CLIP3: variants seen among roughly 807,000 people sequenced by gnomAD.
CLIP3 encodes CAP-Gly domain containing linker protein 3, also known as CAP-Gly domain-containing linker protein 3.
In CLIP3, 15 loss-of-function variants were observed where a neutral mutation model predicts 59.4. The ratio of observed to expected loss-of-function variants is 0.25; its 90% confidence interval spans 0.17 to 0.39. The LOEUF is 0.39. CLIP3 is among the 10% of genes least tolerant of loss of function. The pLI is 1.00. For synonymous variants in CLIP3, 300 were observed against 321.6 expected (o/e 0.93, Z 0.72); for missense variants, 495 against 765.7 (o/e 0.65, Z 4.17).
chr19:36,018,057 C>A (rs1885730284), intron 9 of CLIP3, 66 bp from the exon 10 acceptor site: 1 of 1,572,214 alleles, frequency 6.4e-7, no homozygotes, highest in African/African-American at 1.4e-5. Flanking sequence ...CTCGTGCCAC[C>A]TGGAAAACCC....
intron 7 of CLIP3, among the ~76,000 whole-genome samples, chr19:36,019,598 A>ATTTATTTTTT (rs1568540451): frequency 1.0e-5 from 1 of 99,392 alleles, no homozygotes; most frequent in African/African-American, 4.6e-5. Flanking sequence ...TTATTTATTT[A>ATTTATTTTTT]TTTTATTTAT....
intron 7 of CLIP3, among the ~76,000 whole-genome samples, chr19:36,020,898 G>A (rs1265489846): frequency 6.6e-6 from 1 of 151,506 alleles, no homozygotes; most frequent in African/African-American, 2.4e-5. Flanking sequence ...CTGTGGCCCA[G>A]GCTGGAGTGC....
At position 36,026,793 on chromosome 19, in the gene CLIP3, G is replaced by A. The variant is rs778411049; in HGVS notation, c.401-46C>T. The A allele has an allele frequency of 6.3e-7, 1 of 1,577,636 alleles. No homozygotes were observed. The highest frequency in any genetic ancestry group is 1.3e-5 in the African/African-American group (1 of 74,400). On this transcript the variant is annotated intron_variant, in intron 4 of 13. Transcript: ENST00000360535. The surrounding 1 kb of genome is among the most constrained non-coding windows in gnomAD (Gnocchi z 6.3). ...GCTTGGAACCCCCATTCCAGAGCATGGGCCCAGTGCACGGGGAGGACCCTG... is the reference window on the plus strand; with the variant it reads ...GCTTGGAACCCCCATTCCAGAGCATAGGCCCAGTGCACGGGGAGGACCCTG...
At chr19:36,031,008 CT>C (rs374690845) in intron 2 of CLIP3, among the ~76,000 whole-genome samples, 52 of 77,854 alleles carry the variant, frequency 6.7e-4, no homozygotes, top group South Asian at 3.4e-3. Flanking sequence ...TTTTTCTTTT[CT>C]TTTTTTTTTT....
intron 2 of CLIP3, among the ~76,000 whole-genome samples, chr19:36,031,008 C>CTTTTTTTTTTTTTTTTTTTTTTTTTTTTT (rs374690845): frequency 1.5e-4 from 12 of 77,838 alleles, no homozygotes; most frequent in South Asian, 4.3e-4. Context: ...TTTTTCTTTT[C>CTTTTTTTTTTTTTTTTTTTTTTTTTTTTT]TTTTTTTTTT....
Position 36,019,022 on chromosome 19 carries a change from G to C in CLIP3, c.1059C>G (p.Leu353=). Residue 353 remains leucine (L), a synonymous_variant, in exon 9 of 14, where the codon CTC becomes CTG. Coordinates refer to ENST00000360535, the MANE Select transcript of CLIP3 (RefSeq NM_015526.3). The part of the protein sequence containing the change: ...RYFICPPKQG[L]FASVSKISKA... ...TGGAGATCTTGGACACGGAGGCAAAGAGACCTAGGGGTACAGAATCCGAGC... is the reference window on the plus strand; with the variant it reads ...TGGAGATCTTGGACACGGAGGCAAACAGACCTAGGGGTACAGAATCCGAGC... The C allele has an allele frequency of 6.3e-7, 1 of 1,587,622 alleles. No individual in the cohort carries two copies.
Position 36,016,027 on chromosome 19 carries a change from G to T in CLIP3, c.*131C>A, listed in dbSNP as rs1039295175. The T allele has an allele frequency of 2.2e-6, 2 of 888,980 alleles. No individual in the cohort carries two copies. Among genetic ancestry groups the T allele is most frequent in the South Asian group, 2.9e-5 (2 of 70,132 alleles). The allele number at this position is 888,980 out of a possible 1,614,324, so 55.1% of individuals were successfully genotyped here. A position where few individuals can be genotyped will look rare whatever the true frequency, so the allele number is the denominator to read the frequency against. On this transcript the variant is annotated 3_prime_UTR_variant, in exon 14 of 14. Transcript: ENST00000360535. This position sits in a 1 kb window ranked among gnomAD's most constrained non-coding sequence, Gnocchi z 4.1. ...TGTTAATAATGGGGCCTCAATGATC[G>T]AGGGCTGGCTAACAGGGGTCTCTAC...
In CLIP3 at chr19:36,026,490, C is replaced by T; in HGVS notation, c.562+96G>A. Reference sequence around the variant, plus strand: ...CCAACCTCCCGCTATCTCCTCAGATCACCGTCCTCCTTCCCCTCGCAGCCT... The same window carrying T: ...CCAACCTCCCGCTATCTCCTCAGATTACCGTCCTCCTTCCCCTCGCAGCCT... On this transcript the variant is annotated intron_variant, in intron 5 of 13. Transcript: ENST00000360535. This position sits in a 1 kb window ranked among gnomAD's most constrained non-coding sequence, Gnocchi z 6.3. 38 of 1,525,634 alleles carry T rather than the reference C, an allele frequency of 2.5e-5. No individual in the cohort carries two copies. Among genetic ancestry groups the T allele is most frequent in the Non-Finnish European group, 3.3e-5 (37 of 1,121,068 alleles). The allele number at this position is 1,525,634 out of a possible 1,614,324, so 94.5% of individuals were successfully genotyped here.
In CLIP3 at chr19:36,025,788, G is replaced by A. The variant is rs552606028; in HGVS notation, c.681+359C>T. 2.6e-5 allele frequency among the ~76,000 whole-genome samples: 4 copies of A among 152,240 alleles called. No homozygotes were observed. The East Asian group carries it at 7.7e-4, about 29-fold the overall frequency. On this transcript the variant is annotated intron_variant, in intron 6 of 13. Transcript: ENST00000360535. Reference sequence around the variant, plus strand: ...GGAGCCTGGTAATGCATAGGTCAGAGGTCAAAGATCATATTGAGGGCTTAG... The same window carrying A: ...GGAGCCTGGTAATGCATAGGTCAGAAGTCAAAGATCATATTGAGGGCTTAG...
In CLIP3 at chr19:36,032,003, G is replaced by C. The variant is rs952676415; in HGVS notation, c.166+189C>G. On this transcript the variant is annotated intron_variant, in intron 2 of 13. Coordinates refer to ENST00000360535, the MANE Select transcript of CLIP3 (RefSeq NM_015526.3). The surrounding 1 kb of genome is among the most constrained non-coding windows in gnomAD (Gnocchi z 4.3). The stretch of plus-strand genomic sequence containing the variant: ...TGATGTGTCATGAGTCAAAGACTAG[G>C]AGTATTACAATTCCATTCTCCAATG... 9.9e-6 allele frequency: 4 copies of C among 403,594 alleles called. No homozygotes were observed. The highest frequency in any genetic ancestry group is 8.2e-5 in the African/African-American group (4 of 48,548). The allele number at this position is 403,594 out of a possible 1,614,324, so 25.0% of individuals were successfully genotyped here.
At position 36,026,724 on chromosome 19, in the gene CLIP3, G is replaced by A; in HGVS notation, c.424C>T (p.Leu142Phe). The A allele has an allele frequency of 6.2e-7, 1 of 1,601,512 alleles. No individual in the cohort carries two copies. Residue 142 changes from leucine to phenylalanine, a missense_variant, in exon 5 of 14, where the codon CTC (leucine) becomes TTC (phenylalanine). By Grantham distance (22) the Leu-to-Phe change is conservative (BLOSUM62 0). Around this residue, in one of 5 missense-constraint regions of CLIP3, gnomAD observed 194 missense variants for 327.8 expected, o/e 0.59. Transcript: ENST00000360535. This position sits in a 1 kb window ranked among gnomAD's most constrained non-coding sequence, Gnocchi z 6.3. ...GVGDPAAAVR[L>F]SQQLLALGAD... ...CCCAGCGCCAGCAGCTGCTGCGAGAGGCGCACGGCTGCCGCGGGGTCCCCT... is the reference window on the plus strand; with the variant it reads ...CCCAGCGCCAGCAGCTGCTGCGAGAAGCGCACGGCTGCCGCGGGGTCCCCT...
intron 7 of CLIP3, among the ~76,000 whole-genome samples, chr19:36,022,149 G>T (rs1408016479): frequency 6.6e-6 from 1 of 152,118 alleles, no homozygotes; most frequent in Non-Finnish European, 1.5e-5. Flanking sequence ...CAAAGTGCTG[G>T]GATTACAGGC....
In CLIP3 at chr19:36,022,314, C is replaced by G. The variant is rs560482899; in HGVS notation, c.918+2082G>C. ...AATTAATTTAAACCTCAACCAGCCC[C>G]CTAAGGTGGTTACTATTATTATCTC... On this transcript the variant is annotated intron_variant, in intron 7 of 13. Coordinates refer to ENST00000360535, the MANE Select transcript of CLIP3 (RefSeq NM_015526.3). 5.8e-4 allele frequency among the ~76,000 whole-genome samples: 88 copies of G among 152,240 alleles called. 1 individual carries two copies. In the South Asian group the frequency reaches 0.015, roughly 25 times the overall value.
chr19:36,030,988 CTTTTTTCTTTTTTTCTTTTCTTTTTTTT>C (rs1969238997), intron 2 of CLIP3, among the ~76,000 whole-genome samples: 22 of 119,688 alleles, frequency 1.8e-4, no homozygotes, highest in African/African-American at 5.5e-4. Context: ...ATTTCTTTTT[CTTTTTTCTTTTTTTCTTTTCTTTTTTTT>C]TTTTTTCTTT....
At chr19:36,017,305 C>A (rs1968822955) in intron 12 of CLIP3, 81 bp downstream of exon 12, 3 of 1,300,290 alleles carry the variant, frequency 2.3e-6, no homozygotes, top group Non-Finnish European at 3.4e-6. Context: ...GAGACTGTCA[C>A]CAGTATATAC....
In CLIP3 at chr19:36,017,629, G is replaced by A. The variant is rs1568539207; in HGVS notation, c.1451+26C>T. On this transcript the variant is annotated intron_variant, in intron 11 of 13. Coordinates refer to ENST00000360535, the MANE Select transcript of CLIP3 (RefSeq NM_015526.3). ...GATCAGGGCTCCAGGTGGTGCCCTG[G>A]GTTTGGGCTGGAAGTTTGGGCTCAC... 3 of 1,613,246 alleles carry A rather than the reference G, an allele frequency of 1.9e-6. No individual in the cohort carries two copies. In the Admixed American group the frequency reaches 5.0e-5, roughly 27 times the overall value.
Position 36,019,043 on chromosome 19 carries a change from C to T in CLIP3, c.1055-17G>A, listed in dbSNP as rs1452487473. On this transcript the variant is annotated splice_polypyrimidine_tract_variant and intron_variant, in intron 8 of 13. Coordinates refer to ENST00000360535, the MANE Select transcript of CLIP3 (RefSeq NM_015526.3). The stretch of plus-strand genomic sequence containing the variant: ...CAAAGAGACCTAGGGGTACAGAATC[C>T]GAGCCTGGTGTTGTCCAAGCCTCTG... The T allele has an allele frequency of 7.0e-6, 11 of 1,581,902 alleles. No homozygotes were observed. The highest frequency in any genetic ancestry group is 4.5e-5 in the East Asian group (2 of 44,620).
At chr19:36,024,308 G>A (rs1222542678) in intron 7 of CLIP3, 88 bp downstream of exon 7, 3 of 1,112,882 alleles carry the variant, frequency 2.7e-6, no homozygotes, top group Non-Finnish European at 3.9e-6. Context: ...GGCAGGGACT[G>A]CACTCTGCCC....
chr19:36,021,358 C>T (rs1210866116), intron 7 of CLIP3, among the ~76,000 whole-genome samples: 2 of 152,102 alleles, frequency 1.3e-5, no homozygotes, highest in Non-Finnish European at 2.9e-5. Flanking sequence ...GACCCTGGCA[C>T]AGTGCAGCCT....
Sources: allele counts gnomAD v4.1 joint callset (sites outside exome capture counted in the v4.1 genomes callset), GRCh38; gene constraint gnomAD v4.1.1; regional missense constraint gnomAD v4.1.1; non-coding constraint Gnocchi (gnomAD v3.1); transcripts MANE v1.5; gene names NCBI Gene and HGNC (gene_info 2026-07-23, HGNC 2026-07-21).